Variants in GPR37 observed in about 807,000 individuals in gnomAD.
The protein encoded by GPR37 is prosaposin receptor GPR37.
Under a neutral mutation model 43.6 loss-of-function variants are expected in GPR37, and 20 were observed. That is an observed-to-expected ratio of 0.46 (90% CI 0.32 to 0.67). GPR37 has a LOEUF of 0.67. Ranked by LOEUF, GPR37 falls within the 30% of genes least tolerant of loss-of-function variation. GPR37 has a pLI of 0.03. For missense variants in GPR37, 724 were observed against 797.2 expected (o/e 0.91, Z 1.11); for synonymous variants, 315 against 322.6 (o/e 0.98, Z 0.25).
rs1793658880 is a variant in GPR37 at position 124,745,360 on chromosome 7, C to T, written c.*1165G>A. On this transcript the variant is annotated 3_prime_UTR_variant, in exon 2 of 2. Coordinates refer to ENST00000303921, the MANE Select transcript of GPR37 (RefSeq NM_005302.5). Reference sequence around the variant, plus strand: ...GACATGTGTCCCACACAGCAAGCATCCTACACAACTGCTGCATTTTAAACT... The same window carrying T: ...GACATGTGTCCCACACAGCAAGCATTCTACACAACTGCTGCATTTTAAACT... 6.6e-6 allele frequency among the ~76,000 whole-genome samples: 1 copy of T among 152,146 alleles called. No homozygotes were observed. The highest frequency in any genetic ancestry group is 2.4e-5 in the African/African-American group (1 of 41,444).
In GPR37 at chr7:124,747,003, G is replaced by A. The variant is rs774806947; in HGVS notation, c.1364C>T (p.Thr455Met). The A allele has an allele frequency of 2.1e-5, 34 of 1,613,830 alleles. No homozygotes were observed. The highest frequency in any genetic ancestry group is 3.3e-5 in the Admixed American group (2 of 59,968). The change falls in exon 2 of 2, where the codon ACG becomes ATG. Residue 455 changes from threonine (T) to methionine (M), a missense_variant. This residue lies in a region of GPR37 where 342 missense variants were observed against 441.8 expected (regional missense o/e 0.77). Transcript: ENST00000303921. The part of the protein sequence containing the change: ...WYFGCYFCLP[T>M]LFTITCSLVT... ...TAGAGAGCAGGTGATGGTGAAAAGC[G>A]TGGGCAAACAAAAGTAACAGCCAAA...
intron 1 of GPR37, among the ~76,000 whole-genome samples, chr7:124,756,636 G>A (rs1424606109): frequency 1.3e-5 from 2 of 152,186 alleles, no homozygotes; most frequent in African/African-American, 4.8e-5. Flanking sequence ...TGGCAACAAG[G>A]TTGAGTTCAT....
intron 1 of GPR37, among the ~76,000 whole-genome samples, chr7:124,760,927 G>A (rs1006299727): frequency 1.3e-5 from 2 of 152,136 alleles, no homozygotes; most frequent in Non-Finnish European, 2.9e-5. Flanking sequence ...GGACGCAGAG[G>A]TGGGCAGATC....
intron 1 of GPR37, among the ~76,000 whole-genome samples, chr7:124,761,311 C>G (rs560901808): frequency 2.0e-5 from 3 of 152,238 alleles, no homozygotes; most frequent in Admixed American, 2.0e-4. Context: ...AGGAATTGCC[C>G]TTGACCAAAG....
intron 1 of GPR37, among the ~76,000 whole-genome samples, chr7:124,762,733 C>T (rs185868981): frequency 3.1e-4 from 47 of 152,318 alleles, no homozygotes; most frequent in Admixed American, 1.8e-3. Flanking sequence ...GTCAAGATAA[C>T]AGAGGGTCTT....
chr7:124,758,885 T>G (rs1793821565), intron 1 of GPR37, among the ~76,000 whole-genome samples: 2 of 152,242 alleles, frequency 1.3e-5, no homozygotes, highest in South Asian at 4.2e-4. Flanking sequence ...CAACACTCCA[T>G]GAAGGTGTGG....
At chr7:124,753,845 T>C (rs1793759025) in intron 1 of GPR37, among the ~76,000 whole-genome samples, 1 of 152,108 alleles carries the variant, frequency 6.6e-6, no homozygotes, top group Admixed American at 6.6e-5. Context: ...TAAACATGTA[T>C]TTATGAGATC....
In GPR37 at chr7:124,745,201, C is replaced by T. The variant is rs1348780351; in HGVS notation, c.*1324G>A. Among the ~76,000 whole-genome samples the T allele has an allele frequency of 1.3e-5, 2 of 152,156 alleles. No individual in the cohort carries two copies. The highest frequency in any genetic ancestry group is 4.8e-5 in the African/African-American group (2 of 41,440). ...AACAGAAATCAACAAGCAGAAACTA[C>T]GTTTTCCCAGCAAGAAAACTGGGTT... On this transcript the variant is annotated 3_prime_UTR_variant, in exon 2 of 2. Coordinates refer to ENST00000303921, the MANE Select transcript of GPR37 (RefSeq NM_005302.5).
At chr7:124,753,751 G>A (rs1793758113) in intron 1 of GPR37, among the ~76,000 whole-genome samples, 1 of 152,008 alleles carries the variant, frequency 6.6e-6, no homozygotes, top group African/African-American at 2.4e-5. Flanking sequence ...ATCACCACTG[G>A]CAAGACTGAA....
chr7:124,762,070 CAAAGCA>C (rs1004591997), intron 1 of GPR37, among the ~76,000 whole-genome samples: 36 of 151,954 alleles, frequency 2.4e-4, no homozygotes, highest in African/African-American at 8.2e-4. Context: ...AGGCAAAAAA[CAAAGCA>C]CTCTTAAGGA....
In GPR37 at chr7:124,764,455, G is replaced by A. The variant is rs758425463; in HGVS notation, c.522C>T (p.Pro174=). 10 of 1,613,680 alleles carry A rather than the reference G, an allele frequency of 6.2e-6. No homozygotes were observed. The highest frequency in any genetic ancestry group is 4.2e-6 in the Non-Finnish European group (5 of 1,180,034). ...GCCAGTAAAAAAGATCGCTGGCTCCGGGGACTGTCTTCACACTCTGCTCCT... is the reference window on the plus strand; with the variant it reads ...GCCAGTAAAAAAGATCGCTGGCTCCAGGGACTGTCTTCACACTCTGCTCCT... ...RSQEQSVKTV[P]GASDLFYWPR... is the part of the protein sequence containing the mutation. The change falls in exon 1 of 2, where the codon CCC becomes CCT. Residue 174 remains proline, a synonymous_variant. Coordinates refer to ENST00000303921, the MANE Select transcript of GPR37 (RefSeq NM_005302.5). This position sits in a 1 kb window ranked among gnomAD's most constrained non-coding sequence, Gnocchi z 5.4.
intron 1 of GPR37, among the ~76,000 whole-genome samples, chr7:124,763,628 C>T (rs1793875386): frequency 6.6e-6 from 1 of 151,150 alleles, no homozygotes; most frequent in African/African-American, 2.4e-5. Flanking sequence ...ATTTACTTAA[C>T]CCTAAAATCT....
At chr7:124,749,572 C>G (rs1793709925) in intron 1 of GPR37, among the ~76,000 whole-genome samples, 1 of 152,130 alleles carries the variant, frequency 6.6e-6, no homozygotes, top group African/African-American at 2.4e-5. Context: ...GCTACGGCAA[C>G]TTGCCTTGGG....
At chr7:124,761,263 G>C (rs1380620863) in intron 1 of GPR37, among the ~76,000 whole-genome samples, 2 of 152,048 alleles carry the variant, frequency 1.3e-5, no homozygotes, top group Non-Finnish European at 2.9e-5. Context: ...CCAGCTGCTG[G>C]GGCTATTGGT....
chr7:124,764,987 G>C lies in GPR37; in HGVS notation c.-11C>G. ...GCCCGGGGCTCGCATGGCTTGGTGA[G>C]GGCACACCCGGCAGCCGCAGCTCCT... On this transcript the variant is annotated 5_prime_UTR_variant, in exon 1 of 2. Transcript: ENST00000303921. This position sits in a 1 kb window ranked among gnomAD's most constrained non-coding sequence, Gnocchi z 5.4. The C allele has an allele frequency of 1.4e-6, 2 of 1,446,046 alleles. No individual in the cohort carries two copies. Among genetic ancestry groups the C allele is most frequent in the Non-Finnish European group, 1.8e-6 (2 of 1,104,532 alleles). 89.6% of individuals were successfully genotyped at this position (1,446,046 alleles called of 1,614,324 possible).
intron 1 of GPR37, among the ~76,000 whole-genome samples, chr7:124,758,020 G>C (rs1793810325): frequency 6.6e-6 from 1 of 152,124 alleles, no homozygotes; most frequent in African/African-American, 2.4e-5. Context: ...CTGAATGCCA[G>C]ACAATATCTA....
rs774107557 is a variant in GPR37 at position 124,747,240 on chromosome 7, C to T, written c.1127G>A (p.Cys376Tyr). Residue 376 changes from cysteine (C) to tyrosine (Y), a missense_variant, in exon 2 of 2, where the codon TGT becomes TAT. Around this residue, in one of 2 missense-constraint regions of GPR37, gnomAD observed 342 missense variants for 441.8 expected, o/e 0.77. Coordinates refer to ENST00000303921, the MANE Select transcript of GPR37 (RefSeq NM_005302.5). ...VQMYYEMIEN[C>Y]SSTTAKLAVI... ...AGCAAGTTTGGCAGTTGTTGAGGAACAGTTTTCGATCATTTCGTAGTACAT... is the reference window on the plus strand; with the variant it reads ...AGCAAGTTTGGCAGTTGTTGAGGAATAGTTTTCGATCATTTCGTAGTACAT... 6.2e-7 allele frequency: 1 copy of T among 1,613,878 alleles called. No individual in the cohort carries two copies. The highest frequency in any genetic ancestry group is 8.5e-7 in the Non-Finnish European group (1 of 1,179,872).
rs1408885257 is a variant in GPR37 at position 124,746,821 on chromosome 7, C to A, written c.1546G>T (p.Ala516Ser). Residue 516 changes from alanine (A) to serine (S), a missense_variant, in exon 2 of 2, where the codon GCC (alanine) becomes TCC (serine). By Grantham distance (99) the Ala-to-Ser change is moderately conservative. This residue lies in a region of GPR37 where 342 missense variants were observed against 441.8 expected (regional missense o/e 0.77). Coordinates refer to ENST00000303921, the MANE Select transcript of GPR37 (RefSeq NM_005302.5). ...IPENICNIVTAYMATGVSQQT... is the reference protein window; with the variant it reads ...IPENICNIVTSYMATGVSQQT... The stretch of plus-strand genomic sequence containing the variant: ...TGTGAAACCCCTGTAGCCATGTAGG[C>A]AGTAACAATGTTGCAGATATTTTCA... The A allele has an allele frequency of 1.9e-6, 3 of 1,614,052 alleles. No homozygotes were observed. Among genetic ancestry groups the A allele is most frequent in the Middle Eastern group, 1.7e-4 (1 of 6,058 alleles).
chr7:124,751,008 T>G (rs1235453442), intron 1 of GPR37, among the ~76,000 whole-genome samples: 1 of 152,172 alleles, frequency 6.6e-6, no homozygotes, highest in Non-Finnish European at 1.5e-5. Context: ...TCTGTAGTCT[T>G]TTTGATAAAT....
Sources: allele counts gnomAD v4.1 joint callset (sites outside exome capture counted in the v4.1 genomes callset), GRCh38; gene constraint gnomAD v4.1.1; regional missense constraint gnomAD v4.1.1; non-coding constraint Gnocchi (gnomAD v3.1); transcripts MANE v1.5; gene names NCBI Gene and HGNC (gene_info 2026-07-23, HGNC 2026-07-21).